GPHN: variants seen among roughly 807,000 people sequenced by gnomAD.
GPHN encodes the protein gephyrin.
In GPHN, 17 loss-of-function variants were observed where a neutral mutation model predicts 95.5. The observed-to-expected ratio is 0.18, with a 90% CI of 0.12 to 0.27. GPHN has a LOEUF of 0.27. Ranked by LOEUF, GPHN falls within the 10% of genes least tolerant of loss-of-function variation. The probability of loss-of-function intolerance (pLI) is 1.00; values close to 1 mark genes in which losing one functional copy is unlikely to be tolerated. For synonymous variants in GPHN, 320 were observed against 322.5 expected, an observed-to-expected ratio of 0.99 and a Z score of 0.08; for missense variants, 660 against 978.1, an observed-to-expected ratio of 0.67 and a Z score of 4.34.
the GPHN span, chr14:67,579,249 A>G: frequency 6.2e-7 from 1 of 1,604,800 alleles, no homozygotes; most frequent in East Asian, 2.2e-5. Flanking sequence ...CCTGCTGCGT[A>G]ACCCCTTCCA....
At chr14:66,592,986 A>G (rs999629054) in intron 1 of GPHN, among the ~76,000 whole-genome samples, 2 of 152,244 alleles carry the variant, frequency 1.3e-5, no homozygotes, top group Non-Finnish European at 2.9e-5. Flanking sequence ...CGATGAGTTC[A>G]TGTCCTTTGC....
chr14:66,892,758 G>A (rs2064587202), intron 5 of GPHN, among the ~76,000 whole-genome samples: 1 of 152,196 alleles, frequency 6.6e-6, no homozygotes, highest in South Asian at 2.1e-4. Context: ...TGGATAGCGA[G>A]AAGAGAATGG....
At chr14:67,586,466 TGTTACCCCTGGGTTCTGC>T in the GPHN span, 1 of 1,251,528 alleles carries the variant, frequency 8.0e-7, no homozygotes, top group Admixed American at 2.3e-5. Flanking sequence ...GGTGCTCGCA[TGTTACCCCTGGGTTCTGC>T]TGACCCAACA....
chr14:67,016,000 T>TA (rs1262358228), intron 9 of GPHN, among the ~76,000 whole-genome samples: 5 of 152,204 alleles, frequency 3.3e-5, no homozygotes, highest in Non-Finnish European at 7.3e-5. Flanking sequence ...TTTCGGTCTA[T>TA]TAAATGGGCA....
the GPHN span, among the ~76,000 whole-genome samples, chr14:67,489,069 CAG>C: frequency 6.6e-6 from 1 of 152,168 alleles, no homozygotes; most frequent in African/African-American, 2.4e-5. Flanking sequence ...GGACCTGAAC[CAG>C]AGTTTCTTGG....
intron 10 of GPHN, among the ~76,000 whole-genome samples, chr14:67,027,628 CTTAA>C (rs1321336222): frequency 6.6e-6 from 1 of 152,310 alleles, no homozygotes; most frequent in Non-Finnish European, 1.5e-5. Context: ...GGTGCCCAGC[CTTAA>C]TTGTTTTCTT....
At chr14:67,732,779 C>T in the GPHN span, among the ~76,000 whole-genome samples, 1 of 152,088 alleles carries the variant, frequency 6.6e-6, no homozygotes, top group Non-Finnish European at 1.5e-5. Context: ...CAGGGTTTCG[C>T]CTTGTTGGCC....
At chr14:66,841,441 A>G (rs983173281) in intron 4 of GPHN, among the ~76,000 whole-genome samples, 18 of 152,308 alleles carry the variant, frequency 1.2e-4, no homozygotes, top group East Asian at 7.7e-4. Context: ...TTAGGAGACT[A>G]TTAAAATAAT....
At chr14:66,681,858 T>A (rs1336595374) in intron 2 of GPHN, among the ~76,000 whole-genome samples, 1 of 151,786 alleles carries the variant, frequency 6.6e-6, no homozygotes, top group African/African-American at 2.4e-5. Flanking sequence ...TAAAAAAAAA[T>A]AATTAAAACT....
chr14:67,651,382 AG>A, the GPHN span: 7 of 1,613,654 alleles, frequency 4.3e-6, no homozygotes, highest in Non-Finnish European at 5.9e-6. Flanking sequence ...TCCCTATAGA[AG>A]TTCAATGGCT....
intron 11 of GPHN, among the ~76,000 whole-genome samples, chr14:67,069,621 T>G (rs2076203544): frequency 6.6e-6 from 1 of 152,216 alleles, no homozygotes; most frequent in South Asian, 2.1e-4. Context: ...GACACTGAAG[T>G]CTTTAATCAT....
rs181562276 is a variant in GPHN at position 67,044,291 on chromosome 14, C to T, written c.1007-14358C>T. On this transcript the variant is annotated intron_variant, in intron 10 of 22. Coordinates refer to ENST00000478722, the MANE Select transcript of GPHN (RefSeq NM_020806.5). Reference sequence around the variant, plus strand: ...GGTGGAGGTTGCAGCAAGCCAAGATCGCACCACTGCACTCCAGCCTGGGTG... The same window carrying T: ...GGTGGAGGTTGCAGCAAGCCAAGATTGCACCACTGCACTCCAGCCTGGGTG... 2.3e-3 allele frequency among the ~76,000 whole-genome samples: 347 copies of T among 152,082 alleles called. 1 individual carries two copies. Among genetic ancestry groups the T allele is most frequent in the Admixed American group, 5.9e-3 (90 of 15,272 alleles).
the GPHN span, chr14:67,388,446 C>A: frequency 1.5e-6 from 1 of 655,744 alleles, no homozygotes; most frequent in South Asian, 1.7e-5. Context: ...CATCACATGG[C>A]CAAAGCTGCA....
chr14:67,574,533 C>G, the GPHN span: 1 of 684,616 alleles, frequency 1.5e-6, no homozygotes, highest in Non-Finnish European at 2.2e-6. The surrounding 1 kb of genome is among the most constrained non-coding windows in gnomAD (Gnocchi z 4.2). Flanking sequence ...CTCACAGTGA[C>G]TCGCTGGCCA....
intron 5 of GPHN, among the ~76,000 whole-genome samples, chr14:66,902,175 C>T (rs1265374905): frequency 6.6e-6 from 1 of 151,608 alleles, no homozygotes. Flanking sequence ...TTGGATTGTT[C>T]ACTATTGGTA....
the GPHN span, chr14:67,393,359 C>A: frequency 3.7e-5 from 28 of 758,066 alleles, no homozygotes; most frequent in East Asian, 6.1e-4. Flanking sequence ...ACACACATCA[C>A]AAAGAAAAGG....
the GPHN span, among the ~76,000 whole-genome samples, chr14:67,530,420 T>G: frequency 6.6e-6 from 1 of 152,220 alleles, no homozygotes; most frequent in Non-Finnish European, 1.5e-5. Flanking sequence ...CCCATAGTGC[T>G]GTCCAAGGAA....
chr14:66,770,677 A>G (rs1334248794), intron 2 of GPHN, among the ~76,000 whole-genome samples: 1 of 152,158 alleles, frequency 6.6e-6, no homozygotes, highest in Non-Finnish European at 1.5e-5. Context: ...TATTCCAAAA[A>G]TATTAATACC....
At chr14:66,879,290 A>G (rs1307985800) in intron 4 of GPHN, among the ~76,000 whole-genome samples, 1 of 151,614 alleles carries the variant, frequency 6.6e-6, no homozygotes, top group Non-Finnish European at 1.5e-5. Context: ...CCACCATGCC[A>G]TGTGTACGCC....
Sources: allele counts gnomAD v4.1 joint callset (sites outside exome capture counted in the v4.1 genomes callset), GRCh38; gene constraint gnomAD v4.1.1; non-coding constraint Gnocchi (gnomAD v3.1); transcripts MANE v1.5; gene names NCBI Gene and HGNC (gene_info 2026-07-23, HGNC 2026-07-21).